Variants in AKAP19 observed in about 807,000 individuals in gnomAD.
AKAP19 encodes A-kinase anchoring protein 19, also known as small A-kinase anchoring protein.
At chr2:190,115,647 A>G in the AKAP19 span, among the ~76,000 whole-genome samples, 1 of 152,004 alleles carries the variant, frequency 6.6e-6, no homozygotes, top group Non-Finnish European at 1.5e-5. Context: ...TCTGGATTCC[A>G]TTATTTCCTA....
At chr2:190,069,175 T>TGTGAGAGA in the AKAP19 span, among the ~76,000 whole-genome samples, 90 of 123,522 alleles carry the variant, frequency 7.3e-4, 1 homozygote, top group African/African-American at 2.6e-3. Context: ...TGTGTGTGTG[T>TGTGAGAGA]GAGAGAGAGA....
chr2:190,145,818 A>AAT, the AKAP19 span, among the ~76,000 whole-genome samples: 2 of 65,588 alleles, frequency 3.0e-5, no homozygotes, highest in African/African-American at 4.3e-5. Context: ...TAGTGGGTGT[A>AAT]ATATATATAT....
the AKAP19 span, among the ~76,000 whole-genome samples, chr2:190,198,527 T>C: frequency 2.8e-5 from 4 of 144,998 alleles, no homozygotes; most frequent in African/African-American, 7.7e-5. Flanking sequence ...AGCTACTCAG[T>C]GGGCTGAGGT....
the AKAP19 span, among the ~76,000 whole-genome samples, chr2:189,941,745 G>A: frequency 2.6e-5 from 4 of 152,074 alleles, no homozygotes; most frequent in Non-Finnish European, 1.5e-5. Flanking sequence ...GAGGAAGACA[G>A]GAAGAAAAGA....
chr2:190,034,534 CAAAAAAAAAA>C, the AKAP19 span, among the ~76,000 whole-genome samples: 401 of 68,260 alleles, frequency 5.9e-3, 1 homozygote, highest in African/African-American at 0.026. Flanking sequence ...GGCTACAGTG[CAAAAAAAAAA>C]AAAAAAAAAA....
chr2:190,174,301 A>G, the AKAP19 span, among the ~76,000 whole-genome samples: 2 of 152,178 alleles, frequency 1.3e-5, no homozygotes, highest in African/African-American at 4.8e-5. Flanking sequence ...GGTGGCACTG[A>G]GCATTTACTT....
the AKAP19 span, among the ~76,000 whole-genome samples, chr2:189,909,702 A>T: frequency 6.6e-6 from 1 of 152,060 alleles, no homozygotes; most frequent in Non-Finnish European, 1.5e-5. Context: ...ATCCATTTAC[A>T]AGTTATTGTA....
chr2:190,002,697 C>G, the AKAP19 span, among the ~76,000 whole-genome samples: 5 of 152,168 alleles, frequency 3.3e-5, no homozygotes, highest in African/African-American at 1.2e-4. Flanking sequence ...TAACTGCTTT[C>G]CATGAATACC....
chr2:189,881,553 T>G, the AKAP19 span, among the ~76,000 whole-genome samples: 6,846 of 152,266 alleles, frequency 0.045, 496 homozygotes, highest in African/African-American at 0.15. Context: ...TCCATAGATC[T>G]GTAGGCAGGT....
chr2:190,074,658 AAAAAAG>A, the AKAP19 span, among the ~76,000 whole-genome samples: 3 of 152,072 alleles, frequency 2.0e-5, no homozygotes, highest in Admixed American at 6.6e-5. Flanking sequence ...TCTCAAAAAA[AAAAAAG>A]AGAGAAAAGG....
chr2:190,159,148 G>A, the AKAP19 span, among the ~76,000 whole-genome samples: 2 of 152,160 alleles, frequency 1.3e-5, no homozygotes, highest in African/African-American at 4.8e-5. Context: ...CCCTGTAAAG[G>A]AAAGTTATGA....
chr2:190,152,010 A>C, the AKAP19 span, among the ~76,000 whole-genome samples: 1 of 93,878 alleles, frequency 1.1e-5, no homozygotes, highest in African/African-American at 4.7e-5. Context: ...AACAAAAAAC[A>C]ACAACAAAAA....
At chr2:190,106,395 CT>C in the AKAP19 span, among the ~76,000 whole-genome samples, 1 of 152,170 alleles carries the variant, frequency 6.6e-6, no homozygotes, top group South Asian at 2.1e-4. Flanking sequence ...AATCTCTTTC[CT>C]ACATTTCTAA....
chr2:190,145,574 T>C, the AKAP19 span, among the ~76,000 whole-genome samples: 2 of 152,148 alleles, frequency 1.3e-5, no homozygotes, highest in African/African-American at 4.8e-5. Flanking sequence ...GTACCTTTTC[T>C]GTGTTTAGGT....
chr2:190,173,748 C>G, the AKAP19 span, among the ~76,000 whole-genome samples: 1 of 152,210 alleles, frequency 6.6e-6, no homozygotes, highest in East Asian at 1.9e-4. Context: ...GTAAATTCCT[C>G]TTCAAAGTTT....
At chr2:189,937,113 T>A in the AKAP19 span, among the ~76,000 whole-genome samples, 5 of 152,114 alleles carry the variant, frequency 3.3e-5, no homozygotes, top group Non-Finnish European at 5.9e-5. Context: ...CCAGCCTAAG[T>A]GGCAGAGCAA....
chr2:190,107,103 T>A, the AKAP19 span, among the ~76,000 whole-genome samples: 1 of 152,214 alleles, frequency 6.6e-6, no homozygotes, highest in Non-Finnish European at 1.5e-5. Flanking sequence ...TACTCAAATG[T>A]CTGTGGTATT....
the AKAP19 span, among the ~76,000 whole-genome samples, chr2:190,045,640 G>A: frequency 0.021 from 3,227 of 152,222 alleles, 112 homozygotes; most frequent in African/African-American, 0.073. Context: ...CTCCAAGAGC[G>A]CCTTCTAAGG....
the AKAP19 span, among the ~76,000 whole-genome samples, chr2:190,021,334 A>G: frequency 6.6e-6 from 1 of 152,154 alleles, no homozygotes; most frequent in Non-Finnish European, 1.5e-5. Flanking sequence ...TGATTCCTGT[A>G]TTATTTACAA....
Sources: allele counts gnomAD v4.1 joint callset (sites outside exome capture counted in the v4.1 genomes callset), GRCh38; gene constraint gnomAD v4.1.1; transcripts MANE v1.5; gene names NCBI Gene and HGNC (gene_info 2026-07-23, HGNC 2026-07-21).